TENM2: variants seen among roughly 807,000 people sequenced by gnomAD.
TENM2 encodes the protein teneurin-2.
TENM2 carries 52 observed loss-of-function variants against 245.2 expected under a neutral mutation model. The observed-to-expected ratio is 0.21, with a 90% CI of 0.17 to 0.27. The LOEUF (loss-of-function observed/expected upper bound fraction) is 0.27, where lower values mean the gene tolerates loss of function less well. Ranked by LOEUF, TENM2 falls within the 10% of genes least tolerant of loss-of-function variation. The pLI is 1.00. For missense variants in TENM2, 3,046 were observed against 3,666.8 expected, an observed-to-expected ratio of 0.83 and a Z score of 4.37; for synonymous variants, 1,363 against 1,438.9, an observed-to-expected ratio of 0.95 and a Z score of 1.19.
chr5:167,265,403 G>A, the TENM2 span, among the ~76,000 whole-genome samples: 1 of 150,896 alleles, frequency 6.6e-6, no homozygotes, highest in Admixed American at 6.6e-5. Context: ...CTCGATGAAT[G>A]CTAGAATATT....
intron 22 of TENM2, among the ~76,000 whole-genome samples, chr5:168,217,597 G>A (rs184835502): frequency 1.6e-4 from 24 of 152,302 alleles, no homozygotes; most frequent in East Asian, 5.8e-4. Flanking sequence ...GTTCGGTTCC[G>A]TTTATTTTTT....
At chr5:167,940,819 T>C (rs530891867) in intron 3 of TENM2, among the ~76,000 whole-genome samples, 1 of 152,352 alleles carries the variant, frequency 6.6e-6, no homozygotes, top group Non-Finnish European at 1.5e-5. Context: ...GCCTGAAACA[T>C]TGTTCCCTCA....
At chr5:167,556,875 C>T (rs1773293273) in intron 2 of TENM2, among the ~76,000 whole-genome samples, 1 of 152,196 alleles carries the variant, frequency 6.6e-6, no homozygotes, top group Non-Finnish European at 1.5e-5. Context: ...CACAGCATCT[C>T]ATTTTCCAAA....
chr5:167,748,709 C>T (rs1245115086), intron 2 of TENM2, among the ~76,000 whole-genome samples: 5 of 152,018 alleles, frequency 3.3e-5, no homozygotes, highest in African/African-American at 2.4e-5. Flanking sequence ...GTGGAGCAGG[C>T]ATGTCTTATA....
intron 13 of TENM2, among the ~76,000 whole-genome samples, chr5:168,172,173 T>C (rs1440436665): frequency 6.6e-6 from 1 of 152,184 alleles, no homozygotes; most frequent in Non-Finnish European, 1.5e-5. Flanking sequence ...CCAAATGCCC[T>C]ACACACATAG....
chr5:167,632,666 A>T (rs1359831189), intron 2 of TENM2, among the ~76,000 whole-genome samples: 1 of 152,080 alleles, frequency 6.6e-6, no homozygotes, highest in African/African-American at 2.4e-5. Flanking sequence ...CACTAGGAAA[A>T]TTCACGCACA....
chr5:167,455,445 T>C (rs1292099094), intron 2 of TENM2, among the ~76,000 whole-genome samples: 1 of 111,140 alleles, frequency 9.0e-6, no homozygotes, highest in Admixed American at 1.2e-4. Flanking sequence ...TTGTTGTTGA[T>C]GTATGTGTAG....
intron 2 of TENM2, among the ~76,000 whole-genome samples, chr5:167,822,062 G>A (rs1401743397): frequency 6.6e-6 from 1 of 151,866 alleles, no homozygotes; most frequent in Non-Finnish European, 1.5e-5. Context: ...TTTTATTGGG[G>A]CAGGCAAGAT....
intron 13 of TENM2, among the ~76,000 whole-genome samples, chr5:168,179,907 AC>A (rs1759713902): frequency 6.6e-6 from 1 of 152,190 alleles, no homozygotes; most frequent in African/African-American, 2.4e-5. Flanking sequence ...TTCTCATTAG[AC>A]ATGGTTGCCA....
At chr5:167,943,406 GA>G (rs1779349483) in intron 3 of TENM2, among the ~76,000 whole-genome samples, 1 of 151,840 alleles carries the variant, frequency 6.6e-6, no homozygotes, top group Admixed American at 6.6e-5. Flanking sequence ...AAGAGAGAGA[GA>G]AAAAAAGAAT....
At position 168,069,091 on chromosome 5, in the gene TENM2, A is replaced by G. The variant is rs559559349; in HGVS notation, c.1515+6826A>G. Among the ~76,000 whole-genome samples the G allele has an allele frequency of 1.6e-4, 25 of 152,284 alleles. No homozygotes were observed. In the South Asian group the frequency reaches 5.2e-3, roughly 32 times the overall value. ...TTTGAAAAAAAATCACCATTATGGG[A>G]CATATTACACATTCATTTGGAATTC... On this transcript the variant is annotated intron_variant, in intron 7 of 28. Transcript: ENST00000518659.
chr5:167,357,535 C>G (rs1759425787), intron 1 of TENM2, among the ~76,000 whole-genome samples: 1 of 152,084 alleles, frequency 6.6e-6, no homozygotes, highest in African/African-American at 2.4e-5. Context: ...GCTGGGATTA[C>G]AGATGTGAGC....
intron 3 of TENM2, among the ~76,000 whole-genome samples, chr5:167,907,410 T>C (rs145414626): frequency 0.016 from 2,364 of 150,586 alleles, 60 homozygotes; most frequent in African/African-American, 0.053. Context: ...TTAAATGTGG[T>C]CACTAATAAC....
At chr5:167,388,695 G>A (rs148663698) in intron 2 of TENM2, among the ~76,000 whole-genome samples, 1 of 152,070 alleles carries the variant, frequency 6.6e-6, no homozygotes, top group Non-Finnish European at 1.5e-5. Context: ...GGTTTTGATA[G>A]GTTGTGTCAG....
the TENM2 span, among the ~76,000 whole-genome samples, chr5:167,147,926 A>G: frequency 6.6e-6 from 1 of 152,274 alleles, no homozygotes; most frequent in African/African-American, 2.4e-5. Context: ...ATTCCATGCT[A>G]GAGGAGAACG....
At chr5:167,991,984 G>A (rs1421892655) in intron 4 of TENM2, among the ~76,000 whole-genome samples, 1 of 152,212 alleles carries the variant, frequency 6.6e-6, no homozygotes, top group Non-Finnish European at 1.5e-5. Context: ...CTTGGATGGA[G>A]CTGGAGGCCA....
At chr5:167,373,070 C>A (rs1442141555) in intron 1 of TENM2, among the ~76,000 whole-genome samples, 2 of 152,174 alleles carry the variant, frequency 1.3e-5, no homozygotes, top group Non-Finnish European at 1.5e-5. Context: ...TGGGTAATCA[C>A]CCCATGCTGA....
At chr5:167,458,462 A>G in intron 2 of TENM2, among the ~76,000 whole-genome samples, 1 of 135,306 alleles carries the variant, frequency 7.4e-6, no homozygotes, top group Non-Finnish European at 1.6e-5. Flanking sequence ...ACTCCAGCCT[A>G]GGCGACAAAG....
the TENM2 span, among the ~76,000 whole-genome samples, chr5:167,263,459 G>A: frequency 6.6e-6 from 1 of 152,136 alleles, no homozygotes; most frequent in African/African-American, 2.4e-5. Context: ...AGGAAGCAGA[G>A]AATTCAGACT....
Sources: gnomAD v4.1 joint callset for allele counts (sites outside exome capture counted in the v4.1 genomes callset) on GRCh38, gnomAD v4.1.1 for gene constraint, MANE v1.5 for transcripts, NCBI Gene and HGNC (gene_info 2026-07-23, HGNC 2026-07-21) for gene names.